The following ACTL6A variants were observed in gnomAD, a reference collection of about 807,000 sequenced individuals.
The protein encoded by ACTL6A is actin like 6A.
A neutral mutation model predicts 59.2 loss-of-function variants in ACTL6A; 5 were observed. That is an observed-to-expected ratio of 0.08 (90% confidence interval 0.04 to 0.18). ACTL6A has a LOEUF of 0.18. Ranked by LOEUF, ACTL6A falls within the 10% of genes least tolerant of loss-of-function variation. The pLI, the probability that ACTL6A is intolerant of heterozygous loss-of-function variation, is 1.00. For synonymous variants in ACTL6A, 154 were observed against 171.8 expected (o/e 0.90, Z 0.81); for missense variants, 285 against 526.9 (o/e 0.54, Z 4.49).
intron 4 of ACTL6A, 36 bp downstream of exon 4, chr3:179,573,505 T>C: frequency 7.3e-7 from 1 of 1,378,404 alleles, no homozygotes; most frequent in Non-Finnish European, 9.6e-7. Flanking sequence ...GTTTCTCTAG[T>C]TGTTTTTTTT....
chr3:179,569,896 C>T lies in ACTL6A; in HGVS notation c.98C>T (p.Pro33Leu). 6.2e-7 allele frequency: 1 copy of T among 1,613,752 alleles called. No individual in the cohort carries two copies. ...GCTGGTTATGCTGGTGAGGACTGCCCCAAGGTAAGTGTAATGTTAGAGTTA... is the reference window on the plus strand; with the variant it reads ...GCTGGTTATGCTGGTGAGGACTGCCTCAAGGTAAGTGTAATGTTAGAGTTA... ...VRAGYAGEDC[P>L]KVDFPTAIGM... Residue 33 changes from proline to leucine, a missense_variant, in exon 2 of 14, where the codon CCC becomes CTC. Transcript: ENST00000429709.
At chr3:179,565,016 G>A (rs2108351833) in intron 1 of ACTL6A, among the ~76,000 whole-genome samples, 1 of 151,944 alleles carries the variant, frequency 6.6e-6, no homozygotes, top group East Asian at 1.9e-4. Context: ...TGTCTTAACA[G>A]TGCTGGCGTG....
intron 6 of ACTL6A, 70 bp from the exon 7 acceptor site, chr3:179,576,550 C>A: frequency 1.7e-6 from 2 of 1,191,484 alleles, no homozygotes; most frequent in Non-Finnish European, 2.5e-6. Flanking sequence ...ATAAATACAC[C>A]CACAGAGGAA....
At chr3:179,587,520 T>A (rs1032828329) in intron 13 of ACTL6A, among the ~76,000 whole-genome samples, 1 of 152,166 alleles carries the variant, frequency 6.6e-6, no homozygotes, top group Non-Finnish European at 1.5e-5. Flanking sequence ...AATCGAGTAC[T>A]ATTTTGGGGG....
Position 179,583,349 on chromosome 3 carries a change from C to T in ACTL6A, c.1027-4C>T, listed in dbSNP as rs201463309. On this transcript the variant is annotated splice_region_variant and splice_polypyrimidine_tract_variant and intron_variant, in intron 11 of 13. Coordinates refer to ENST00000429709, the MANE Select transcript of ACTL6A (RefSeq NM_004301.5). Reference sequence around the variant, plus strand: ...AATTGATTTTTCTTGTATTTTTATCCTAGGGTCTCTATGGCAGTGTAATAG... The same window carrying T: ...AATTGATTTTTCTTGTATTTTTATCTTAGGGTCTCTATGGCAGTGTAATAG... 5 of 1,603,280 alleles carry T rather than the reference C, an allele frequency of 3.1e-6. No homozygotes were observed. The East Asian group carries it at 6.7e-5, about 22-fold the overall frequency.
chr3:179,576,921 AC>A lies in ACTL6A; in HGVS notation c.768+11del, dbSNP rs754763162. The A allele has an allele frequency of 6.2e-7, 1 of 1,602,252 alleles. No individual in the cohort carries two copies. Among genetic ancestry groups the A allele is most frequent in the Non-Finnish European group, 8.5e-7 (1 of 1,174,660 alleles). On this transcript the variant is annotated intron_variant, in intron 8 of 13. Transcript: ENST00000429709. ...CACAATTATATGTGTAATGTAAGTAACCCTCATTCTCTTTACAAAAATGTTA... is the reference window on the plus strand; with the variant it reads ...CACAATTATATGTGTAATGTAAGTAACCTCATTCTCTTTACAAAAATGTTA...
rs181474037 is a variant in ACTL6A, at chr3:179,565,262, C to T, written c.25+2145C>T. ...GACCAGCTTGGCCAACATGACAAAA[C>T]CCTGTCTCTACTAAAAATACAAAAA... is the stretch of plus-strand genomic sequence containing the variant. On this transcript the variant is annotated intron_variant, in intron 1 of 13. Transcript: ENST00000429709. 1.2e-3 allele frequency among the ~76,000 whole-genome samples: 184 copies of T among 151,770 alleles called. 1 individual carries two copies. Among genetic ancestry groups the T allele is most frequent in the African/African-American group, 3.7e-3 (154 of 41,398 alleles).
At chr3:179,582,961 C>A (rs1291061840) in intron 11 of ACTL6A, among the ~76,000 whole-genome samples, 1 of 152,128 alleles carries the variant, frequency 6.6e-6, no homozygotes, top group Non-Finnish European at 1.5e-5. Context: ...GGCATGTAGT[C>A]CCAGCTACTT....
In ACTL6A at chr3:179,576,733, A is replaced by G. The variant is rs1436392665; in HGVS notation, c.678+7A>G. 5 of 1,610,326 alleles carry G rather than the reference A, an allele frequency of 3.1e-6. No homozygotes were observed. The highest frequency in any genetic ancestry group is 4.2e-6 in the Non-Finnish European group (5 of 1,176,602). ...ATATATGATTGCATCAAAAGTAAGT[A>G]ATTATTGAATTTTCTTTGTAGAACT... is the stretch of plus-strand genomic sequence containing the variant. On this transcript the variant is annotated splice_region_variant and intron_variant, in intron 7 of 13. Coordinates refer to ENST00000429709, the MANE Select transcript of ACTL6A (RefSeq NM_004301.5).
intron 12 of ACTL6A, among the ~76,000 whole-genome samples, chr3:179,583,975 G>A (rs916602173): frequency 1.3e-5 from 2 of 152,242 alleles, no homozygotes; most frequent in Non-Finnish European, 2.9e-5. Context: ...ATTCAAAGTA[G>A]TTGGCTTCTA....
At chr3:179,580,759 A>C in intron 9 of ACTL6A, 58 bp downstream of exon 9, 16 of 1,428,336 alleles carry the variant, frequency 1.1e-5, no homozygotes, top group Non-Finnish European at 1.5e-5. Flanking sequence ...TGTTTAAAAA[A>C]TACTTAATTG....
At chr3:179,575,467 A>G (rs1718140269) in intron 5 of ACTL6A, 2 of 456,492 alleles carry the variant, frequency 4.4e-6, no homozygotes, top group Non-Finnish European at 8.8e-6. Flanking sequence ...TTGGTGCACC[A>G]TTGTGTGTCT....
intron 12 of ACTL6A, among the ~76,000 whole-genome samples, chr3:179,584,981 A>G (rs1718442097): frequency 6.6e-6 from 1 of 152,222 alleles, no homozygotes; most frequent in Non-Finnish European, 1.5e-5. Context: ...ATTAAAAGTG[A>G]TATCTAAATA....
intron 1 of ACTL6A, 40 bp downstream of exon 1, chr3:179,563,157 G>A (rs1326607440): frequency 6.3e-7 from 1 of 1,595,940 alleles, no homozygotes; most frequent in African/African-American, 1.3e-5. Flanking sequence ...CGCCTTTTCG[G>A]CGTGTGGGGT....
chr3:179,568,589 G>A (rs1717910553), intron 1 of ACTL6A, among the ~76,000 whole-genome samples: 2 of 150,820 alleles, frequency 1.3e-5, no homozygotes, highest in Non-Finnish European at 3.0e-5. Context: ...GTATACATAT[G>A]GTTTTTTGAT....
rs1194002369 is a variant in ACTL6A at position 179,570,217 on chromosome 3, A to G, written c.253A>G (p.Ile85Val). The G allele has an allele frequency of 6.2e-7, 1 of 1,613,504 alleles. No individual in the cohort carries two copies. Residue 85 changes from isoleucine to valine, a missense_variant, in exon 3 of 14, where the codon ATT becomes GTT. By Grantham distance (29) the Ile-to-Val change is conservative. Coordinates refer to ENST00000429709, the MANE Select transcript of ACTL6A (RefSeq NM_004301.5). The surrounding 1 kb of genome is among the most constrained non-coding windows in gnomAD (Gnocchi z 4.3). Reference sequence around the variant, plus strand: ...TGTTCCGAGGGAGAATATGGAGGCCATTTCACCTCTAAAAAATGGGATGGG... The same window carrying G: ...TGTTCCGAGGGAGAATATGGAGGCCGTTTCACCTCTAAAAAATGGGATGGG... ...LRVPRENMEA[I>V]SPLKNGMVED... is the part of the protein sequence containing the mutation.
At position 179,586,745 on chromosome 3, in the gene ACTL6A, A is replaced by G. The variant is rs113934027; in HGVS notation, c.1209+113A>G. On this transcript the variant is annotated intron_variant, in intron 13 of 13. Coordinates refer to ENST00000429709, the MANE Select transcript of ACTL6A (RefSeq NM_004301.5). ...TTGTCTGTGCATTTTATAACTGTCA[A>G]ATGAGTGGAAGACCTAATGGAATAA... 4.8e-5 allele frequency: 42 copies of G among 873,694 alleles called. 1 individual carries two copies. Among genetic ancestry groups the G allele is most frequent in the African/African-American group, 3.6e-4 (20 of 56,104 alleles). 54.1% of individuals were successfully genotyped at this position (873,694 alleles called of 1,614,324 possible).
intron 1 of ACTL6A, among the ~76,000 whole-genome samples, chr3:179,563,405 G>T (rs1717730516): frequency 1.3e-5 from 2 of 152,214 alleles, no homozygotes; most frequent in African/African-American, 4.8e-5. Flanking sequence ...GAGCCTCGGG[G>T]CTGGGCGGGA....
chr3:179,588,196 C>T lies in ACTL6A; in HGVS notation c.*186C>T. On this transcript the variant is annotated 3_prime_UTR_variant, in exon 14 of 14. Coordinates refer to ENST00000429709, the MANE Select transcript of ACTL6A (RefSeq NM_004301.5). ...AAGTTTGTGCTTTCCTTGAAATGCACTTATTCTTATTACAAGCATTTTATA... is the reference window on the plus strand; with the variant it reads ...AAGTTTGTGCTTTCCTTGAAATGCATTTATTCTTATTACAAGCATTTTATA... 1 of 457,304 alleles carries T rather than the reference C, an allele frequency of 2.2e-6. No individual in the cohort carries two copies. 28.3% of individuals were successfully genotyped at this position (457,304 alleles called of 1,614,324 possible). A position where few individuals can be genotyped will look rare whatever the true frequency, so the allele number is the denominator to read the frequency against.
Sources: gnomAD v4.1 joint callset for allele counts (sites outside exome capture counted in the v4.1 genomes callset) on GRCh38, gnomAD v4.1.1 for gene constraint, Gnocchi (gnomAD v3.1) non-coding constraint, MANE v1.5 for transcripts, NCBI Gene and HGNC (gene_info 2026-07-23, HGNC 2026-07-21) for gene names.